TUBGCP5: variants seen among roughly 807,000 people sequenced by gnomAD.
The protein encoded by TUBGCP5 is gamma-tubulin complex component 5.
In TUBGCP5, 98 loss-of-function variants were observed where a neutral mutation model predicts 134.7. The ratio of observed to expected loss-of-function variants is 0.73; its 90% confidence interval spans 0.62 to 0.86. The LOEUF (loss-of-function observed/expected upper bound fraction) is 0.86, where lower values mean the gene tolerates loss of function less well. Among genes scored for constraint, TUBGCP5 ranks in the 40% least tolerant of loss-of-function variants. The probability of loss-of-function intolerance (pLI) is 0.00; values close to 1 mark genes in which losing one functional copy is unlikely to be tolerated. For synonymous variants in TUBGCP5, 456 were observed against 431.4 expected (o/e 1.06, Z -0.71); for missense variants, 1,150 against 1,244.8 (o/e 0.92, Z 1.15).
At chr15:22,988,642 A>G (rs1369950819) in intron 23 of TUBGCP5, among the ~76,000 whole-genome samples, 6 of 150,792 alleles carry the variant, frequency 4.0e-5, no homozygotes, top group African/African-American at 9.8e-5. Flanking sequence ...AGGCTGAGGC[A>G]GGAGAATGGC....
chr15:23,010,237 C>A, intron 14 of TUBGCP5, 104 bp from the exon 15 acceptor site: 12 of 1,221,172 alleles, frequency 9.8e-6, no homozygotes, highest in Non-Finnish European at 1.4e-5. Context: ...CTTGAAGTTA[C>A]CAACTATTAC....
rs1481154966 is a variant in TUBGCP5, at chr15:23,031,906, T to C, written c.486+44A>G. On this transcript the variant is annotated intron_variant, in intron 5 of 22. Coordinates refer to ENST00000615383, the MANE Select transcript of TUBGCP5 (RefSeq NM_052903.6). ...ACCCATGAAAATCATCTATATCACC[T>C]GGCGTGTATTTCAATTTTCAATAGC... 5 of 1,478,266 alleles carry C rather than the reference T, an allele frequency of 3.4e-6. No individual in the cohort carries two copies. The South Asian group carries it at 6.2e-5, about 18-fold the overall frequency. 91.6% of individuals were successfully genotyped at this position (1,478,266 alleles called of 1,614,324 possible). A position where few individuals can be genotyped will look rare whatever the true frequency, so the allele number is the denominator to read the frequency against.
chr15:23,018,155 G>T, intron 12 of TUBGCP5, 114 bp from the exon 13 acceptor site: 1 of 1,138,932 alleles, frequency 8.8e-7, no homozygotes, highest in Non-Finnish European at 1.2e-6. Flanking sequence ...TTAGTAAACT[G>T]AAGCAAACTT....
intron 23 of TUBGCP5, among the ~76,000 whole-genome samples, chr15:22,990,775 T>TA (rs1315800449): frequency 6.6e-6 from 1 of 152,140 alleles, no homozygotes; most frequent in East Asian, 1.9e-4. Context: ...GGGATCATCT[T>TA]AGATTATCTG....
At chr15:23,002,493 G>C (rs540675553) in intron 21 of TUBGCP5, among the ~76,000 whole-genome samples, 1 of 152,068 alleles carries the variant, frequency 6.6e-6, no homozygotes, top group Non-Finnish European at 1.5e-5. Flanking sequence ...AGCTGCTCCC[G>C]GGCCACTTCC....
At chr15:23,036,378 C>T (rs1457733434) in intron 3 of TUBGCP5, among the ~76,000 whole-genome samples, 1 of 152,194 alleles carries the variant, frequency 6.6e-6, no homozygotes, top group Admixed American at 6.5e-5. Context: ...CTAGCTTCTC[C>T]TAGACTTTGC....
chr15:23,005,925 A>G (rs940494234), intron 18 of TUBGCP5, 127 bp downstream of exon 18: 2 of 1,064,086 alleles, frequency 1.9e-6, no homozygotes, highest in Admixed American at 3.3e-5. Context: ...CACATAAAAA[A>G]TGATCAACAA....
intron 1 of TUBGCP5, 86 bp from the exon 2 acceptor site, chr15:23,037,238 G>T: frequency 8.0e-7 from 1 of 1,245,364 alleles, no homozygotes; most frequent in Non-Finnish European, 1.2e-6. Context: ...TCCCCCATAT[G>T]CTCTGTACTC....
At chr15:23,032,482 T>C (rs933160528) in intron 4 of TUBGCP5, among the ~76,000 whole-genome samples, 1 of 152,208 alleles carries the variant, frequency 6.6e-6, no homozygotes, top group African/African-American at 2.4e-5. Context: ...GACTGTTGTA[T>C]TATTATTTAT....
intron 13 of TUBGCP5, among the ~76,000 whole-genome samples, chr15:23,014,335 C>A (rs1008201309): frequency 6.6e-6 from 1 of 152,174 alleles, no homozygotes; most frequent in East Asian, 1.9e-4. Flanking sequence ...CGGCCTTGCA[C>A]GGCATCTTTG....
At chr15:22,985,838 A>AG (rs2063660998) in intron 23 of TUBGCP5, among the ~76,000 whole-genome samples, 1 of 150,636 alleles carries the variant, frequency 6.6e-6, no homozygotes, top group Admixed American at 6.6e-5. Flanking sequence ...CCATCTCAAA[A>AG]AAAAGAAATA....
In TUBGCP5 at chr15:23,023,812, A is replaced by G. The variant is rs1177057794; in HGVS notation, c.1168+135T>C. ...AATGGCTTAAAAATATAAATTTAAA[A>G]TAATTTTAAAAGAAGCATTCACGAG... On this transcript the variant is annotated intron_variant, in intron 10 of 22. Coordinates refer to ENST00000615383, the MANE Select transcript of TUBGCP5 (RefSeq NM_052903.6). 8.8e-6 allele frequency: 7 copies of G among 796,378 alleles called. No individual in the cohort carries two copies. The Admixed American group carries it at 1.8e-4, about 20-fold the overall frequency. 49.3% of individuals were successfully genotyped at this position (796,378 alleles called of 1,614,324 possible). A position where few individuals can be genotyped will look rare whatever the true frequency, so the allele number is the denominator to read the frequency against.
At chr15:23,008,983 TTACATTC>T in intron 15 of TUBGCP5, 102 bp from the exon 16 acceptor site, 2 of 889,300 alleles carry the variant, frequency 2.2e-6, no homozygotes. Context: ...TGGAACAAGT[TTACATTC>T]TACATTTACT....
At chr15:23,025,968 CCA>C (rs1416106588) in intron 8 of TUBGCP5, 146 bp downstream of exon 8, 7 of 581,036 alleles carry the variant, frequency 1.2e-5, no homozygotes, top group African/African-American at 9.8e-5. Flanking sequence ...CTCTCAATCT[CCA>C]CAGTCAAATC....
chr15:23,028,504 C>G (rs73409385), intron 6 of TUBGCP5, among the ~76,000 whole-genome samples: 1 of 151,164 alleles, frequency 6.6e-6, no homozygotes, highest in African/African-American at 2.4e-5. Flanking sequence ...GAAAATCTAT[C>G]GATGCATTAT....
chr15:23,030,829 T>A, intron 6 of TUBGCP5, 56 bp downstream of exon 6: 2 of 1,591,248 alleles, frequency 1.3e-6, no homozygotes, highest in Non-Finnish European at 1.7e-6. Context: ...AAGTTTGCCT[T>A]TCCTTCTAGG....
intron 21 of TUBGCP5, 40 bp from the exon 22 acceptor site, chr15:23,000,709 C>T (rs577756073): frequency 1.9e-5 from 29 of 1,493,820 alleles, no homozygotes; most frequent in East Asian, 1.4e-4. Flanking sequence ...AAGTGCATTG[C>T]GGGTATATAG....
chr15:23,029,642 G>A (rs1263303153), intron 6 of TUBGCP5, among the ~76,000 whole-genome samples: 1 of 152,136 alleles, frequency 6.6e-6, no homozygotes, highest in African/African-American at 2.4e-5. Context: ...CCCGCACGTT[G>A]GGAGGCAGAG....
chr15:23,021,604 G>C (rs1281231921), intron 11 of TUBGCP5, among the ~76,000 whole-genome samples: 1 of 152,124 alleles, frequency 6.6e-6, no homozygotes, highest in African/African-American at 2.4e-5. Context: ...CCATTCCCCA[G>C]CCCTTGGTAA....
Sources: gnomAD v4.1 joint callset for allele counts (sites outside exome capture counted in the v4.1 genomes callset) on GRCh38, gnomAD v4.1.1 for gene constraint, MANE v1.5 for transcripts, NCBI Gene and HGNC (gene_info 2026-07-23, HGNC 2026-07-21) for gene names.